The following LRRC18 variants were observed in gnomAD, a reference collection of about 807,000 sequenced individuals.
LRRC18 encodes the protein leucine-rich repeat-containing protein 18.
In LRRC18, 12 loss-of-function variants were observed where a neutral mutation model predicts 11.2. That is an observed-to-expected ratio of 1.07 (90% CI 0.69 to 1.74). The LOEUF is 1.74. Among genes scored for constraint, LRRC18 ranks in the 40% most tolerant of loss-of-function variants. LRRC18 has a pLI of 0.00. For missense variants in LRRC18, 374 were observed against 330.5 expected (o/e 1.13, Z -1.02); for synonymous variants, 155 against 130.6 (o/e 1.19, Z -1.27).
chr10:48,913,668 A>T, exon 1 of LRRC18: 1 of 1,613,552 alleles, frequency 6.2e-7, no homozygotes, highest in Non-Finnish European at 8.5e-7. Context: ...GAGCTTGGAG[A>T]TGCTCACGGG....
the LRRC18 span, among the ~76,000 whole-genome samples, chr10:48,920,412 T>C: frequency 1.1e-3 from 160 of 152,292 alleles, no homozygotes; most frequent in Non-Finnish European, 2.0e-3. Context: ...ATATACCTAA[T>C]GTTAAATGAC....
At chr10:48,910,536 A>G (rs927456694) in intron 1 of LRRC18, among the ~76,000 whole-genome samples, 6 of 152,194 alleles carry the variant, frequency 3.9e-5, no homozygotes. Flanking sequence ...TTGGCAGAAA[A>G]AGAAATAGAA....
the LRRC18 span, among the ~76,000 whole-genome samples, chr10:48,931,578 T>G: frequency 6.6e-6 from 1 of 152,058 alleles, no homozygotes; most frequent in Non-Finnish European, 1.5e-5. Flanking sequence ...CATCCAGAGG[T>G]GAAGAACTGT....
the LRRC18 span, among the ~76,000 whole-genome samples, chr10:48,932,936 G>T: frequency 6.6e-6 from 1 of 152,286 alleles, no homozygotes; most frequent in East Asian, 1.9e-4. Context: ...GGAGGGCGAA[G>T]AGCTGAGCAA....
At chr10:48,914,189 G>C (rs375199003) in exon 1 of LRRC18, 6 of 1,588,964 alleles carry the variant, frequency 3.8e-6, no homozygotes, top group Non-Finnish European at 5.1e-6. Flanking sequence ...GAAGTTTATT[G>C]TTCTGATTGG....
the LRRC18 span, among the ~76,000 whole-genome samples, chr10:48,937,921 C>T: frequency 6.6e-6 from 1 of 152,170 alleles, no homozygotes; most frequent in African/African-American, 2.4e-5. Flanking sequence ...CTGCCACACT[C>T]TACCCCTGCC....
chr10:48,910,021 AAATATTTCCCAAAG>A, exon 2 of LRRC18: 1 of 560,422 alleles, frequency 1.8e-6, no homozygotes. Flanking sequence ...AAACCACATC[AAATATTTCCCAAAG>A]TCATTTTCAC....
In LRRC18 at chr10:48,911,793, A is replaced by G. The variant is rs573591142; in HGVS notation, c.765-1535T>C. 3.9e-5 allele frequency among the ~76,000 whole-genome samples: 6 copies of G among 152,360 alleles called. No individual in the cohort carries two copies. The East Asian group carries it at 5.8e-4, about 15-fold the overall frequency. On this transcript the variant is annotated intron_variant, in intron 1 of 1. Transcript: ENST00000374160. ...ATGTTGTGGTTCTGTTACTTCTACA[A>G]TGAAAAACACTTAATAAAGGGAAAA...
upstream of LRRC18, among the ~76,000 whole-genome samples, chr10:48,916,871 ATGTGTGTG>A (rs55891907): frequency 0.053 from 7,914 of 149,264 alleles, 648 homozygotes; most frequent in African/African-American, 0.17. Flanking sequence ...CTTTAAAAAT[ATGTGTGTG>A]TGTGTGTGTG....
chr10:48,925,010 C>G, the LRRC18 span, among the ~76,000 whole-genome samples: 1 of 152,228 alleles, frequency 6.6e-6, no homozygotes, highest in Non-Finnish European at 1.5e-5. Context: ...CCCCCATAGA[C>G]ACTGCCATTT....
the LRRC18 span, among the ~76,000 whole-genome samples, chr10:48,939,015 G>A: frequency 6.6e-6 from 1 of 152,106 alleles, no homozygotes; most frequent in African/African-American, 2.4e-5. Context: ...ACCCCAAGTT[G>A]CCCACAGGCC....
chr10:48,920,786 A>T, the LRRC18 span, among the ~76,000 whole-genome samples: 18 of 152,360 alleles, frequency 1.2e-4, no homozygotes, highest in East Asian at 3.5e-3. Context: ...AGATTCTTGG[A>T]ACTAATAAGT....
At chr10:48,910,333 C>T in intron 1 of LRRC18, 75 bp from the exon 4 acceptor site, 2 of 1,280,860 alleles carry the variant, frequency 1.6e-6, no homozygotes, top group East Asian at 2.3e-5. Context: ...GCAGAGGTCA[C>T]ACCAGCTCAC....
upstream of LRRC18, among the ~76,000 whole-genome samples, chr10:48,916,083 G>A (rs1185729294): frequency 2.0e-5 from 3 of 152,240 alleles, no homozygotes; most frequent in Admixed American, 2.0e-4. Context: ...AATGCACAGA[G>A]AAGCACTCTG....
At chr10:48,928,398 T>TGTGTGTGTGTGTG in the LRRC18 span, among the ~76,000 whole-genome samples, 4 of 55,938 alleles carry the variant, frequency 7.2e-5, no homozygotes, top group Non-Finnish European at 1.8e-4. Flanking sequence ...GTGTGTGTGT[T>TGTGTGTGTGTGTG]GGTGGGGGTT....
At chr10:48,926,603 C>CCATT in the LRRC18 span, among the ~76,000 whole-genome samples, 1 of 152,076 alleles carries the variant, frequency 6.6e-6, no homozygotes, top group Non-Finnish European at 1.5e-5. Flanking sequence ...TCAGTGTGAC[C>CCATT]CATTGTCTGC....
chr10:48,916,649 G>A (rs1457095043), upstream of LRRC18, among the ~76,000 whole-genome samples: 1 of 152,160 alleles, frequency 6.6e-6, no homozygotes, highest in African/African-American at 2.4e-5. Context: ...GATGCTCCTG[G>A]GAGCCACAGA....
exon 1 of LRRC18, chr10:48,914,188 T>C (rs1419938771): frequency 6.3e-7 from 1 of 1,590,364 alleles, no homozygotes; most frequent in Non-Finnish European, 8.5e-7. Flanking sequence ...AGAAGTTTAT[T>C]GTTCTGATTG....
chr10:48,926,439 G>A, the LRRC18 span, among the ~76,000 whole-genome samples: 40,040 of 152,104 alleles, frequency 0.26, 6,139 homozygotes, highest in East Asian at 0.6. Context: ...AGGATGGTGT[G>A]CACTCTGGCT....
Sources: gnomAD v4.1 joint callset for allele counts (sites outside exome capture counted in the v4.1 genomes callset) on GRCh38, gnomAD v4.1.1 for gene constraint, MANE v1.5 for transcripts, NCBI Gene and HGNC (gene_info 2026-07-23, HGNC 2026-07-21) for gene names.